Variants in LRRC4B observed in about 807,000 individuals in gnomAD.
LRRC4B encodes the protein leucine-rich repeat-containing protein 4B.
A neutral mutation model predicts 7.3 loss-of-function variants in LRRC4B; 1 was observed. The observed-to-expected ratio is 0.14, with a 90% CI of 0.05 to 0.65. The LOEUF (loss-of-function observed/expected upper bound fraction) is 0.65, where lower values mean the gene tolerates loss of function less well. LRRC4B is among the 30% of genes least tolerant of loss of function. LRRC4B has a pLI of 0.84. For synonymous variants in LRRC4B, 500 were observed against 499.2 expected (o/e 1.00, Z -0.02); for missense variants, 730 against 1,041.6 (o/e 0.70, Z 4.12).
intron 2 of LRRC4B, among the ~76,000 whole-genome samples, chr19:50,524,950 G>A (rs900642980): frequency 6.6e-6 from 1 of 152,156 alleles, no homozygotes; most frequent in African/African-American, 2.4e-5. Context: ...GACTGTGATC[G>A]CCCCGTTTTA....
chr19:50,538,715 C>T (rs1335792332), intron 2 of LRRC4B, among the ~76,000 whole-genome samples: 6 of 151,766 alleles, frequency 4.0e-5, no homozygotes, highest in African/African-American at 9.7e-5. Flanking sequence ...ACTACAGGTG[C>T]GTGCCACCAC....
chr19:50,540,384 A>G (rs576840006), intron 2 of LRRC4B, among the ~76,000 whole-genome samples: 5 of 152,178 alleles, frequency 3.3e-5, no homozygotes, highest in Non-Finnish European at 4.4e-5. Context: ...TTTTTTTGAG[A>G]CAGAGTCTTG....
intron 2 of LRRC4B, among the ~76,000 whole-genome samples, chr19:50,538,251 C>T (rs1028015525): frequency 2.0e-5 from 3 of 152,134 alleles, no homozygotes; most frequent in East Asian, 1.9e-4. Flanking sequence ...TTGGTAGAGA[C>T]GGGGTTTCGC....
At chr19:50,558,200 T>TACACACAC (rs71182737) in intron 1 of LRRC4B, among the ~76,000 whole-genome samples, 4,569 of 147,630 alleles carry the variant, frequency 0.031, 141 homozygotes, top group African/African-American at 0.077. Context: ...ACTGTATACA[T>TACACACAC]ACACACACAC....
At chr19:50,543,236 G>T (rs532747352) in intron 2 of LRRC4B, among the ~76,000 whole-genome samples, 3 of 152,134 alleles carry the variant, frequency 2.0e-5, no homozygotes, top group African/African-American at 4.8e-5. Context: ...GTGGCAGCGC[G>T]GCGGGGGACA....
rs1568730895 is a variant in LRRC4B, at chr19:50,548,209, T to C, written c.297+333A>G. ...GGTGCAGATGCCACAGGGGTCCCTG[T>C]GAAAGGGTTGCTCTCCACACCCCAG... is the stretch of plus-strand genomic sequence containing the variant. On this transcript the variant is annotated intron_variant, in intron 2 of 2. Transcript: ENST00000652263. This position sits in a 1 kb window ranked among gnomAD's most constrained non-coding sequence, Gnocchi z 6.8. Among the ~76,000 whole-genome samples, 1 of 151,994 alleles carries C rather than the reference T, an allele frequency of 6.6e-6. No homozygotes were observed. The highest frequency in any genetic ancestry group is 2.4e-5 in the African/African-American group (1 of 41,390).
chr19:50,536,266 T>C (rs1981281663), intron 2 of LRRC4B, among the ~76,000 whole-genome samples: 1 of 152,116 alleles, frequency 6.6e-6, no homozygotes, highest in Non-Finnish European at 1.5e-5. Context: ...CCCGAGTATC[T>C]GGGATTACAG....
rs879770597 is a variant in LRRC4B, at chr19:50,552,654, A to ATCTC, written c.-35-3782_-35-3781insGAGA. 2.0e-5 allele frequency among the ~76,000 whole-genome samples: 2 copies of ATCTC among 100,920 alleles called. 1 individual carries two copies. Among genetic ancestry groups the ATCTC allele is most frequent in the African/African-American group, 8.5e-5 (2 of 23,598 alleles). The allele number at this position is 100,920 out of a possible 152,430, so 66.2% of individuals were successfully genotyped here. A position where few individuals can be genotyped will look rare whatever the true frequency, so the allele number is the denominator to read the frequency against. On this transcript the variant is annotated intron_variant, in intron 1 of 2. Transcript: ENST00000652263. ...CATCCATCCGCCCATCCGTCCATCCATCCATCCATCCATCCATCCATCCAT... is the reference window on the plus strand; with the variant it reads ...CATCCATCCGCCCATCCGTCCATCCATCTCTCCATCCATCCATCCATCCATCCAT...
intron 1 of LRRC4B, among the ~76,000 whole-genome samples, chr19:50,549,570 G>A (rs939577104): frequency 2.0e-5 from 3 of 152,242 alleles, no homozygotes; most frequent in Non-Finnish European, 2.9e-5. Context: ...AGAGACTTGA[G>A]TCAGACTCAT....
chr19:50,544,443 C>G (rs1203074500), intron 2 of LRRC4B, among the ~76,000 whole-genome samples: 2 of 151,012 alleles, frequency 1.3e-5, no homozygotes, highest in African/African-American at 2.4e-5. Flanking sequence ...GGAGGCGGAG[C>G]TTGCAGTGAG....
chr19:50,566,246 G>A (rs766550394), intron 1 of LRRC4B, among the ~76,000 whole-genome samples: 1 of 152,040 alleles, frequency 6.6e-6, no homozygotes, highest in South Asian at 2.1e-4. Context: ...AGCCGGCTCC[G>A]GCTACTCCCA....
chr19:50,535,834 T>G (rs1417953306), intron 2 of LRRC4B, among the ~76,000 whole-genome samples: 2 of 152,206 alleles, frequency 1.3e-5, no homozygotes, highest in Non-Finnish European at 2.9e-5. Flanking sequence ...GGGTGGAAAG[T>G]CTGGCTGGAT....
In LRRC4B at chr19:50,555,492, A is replaced by AG. The variant is rs1223599863; in HGVS notation, c.-35-6620dup. 2.6e-5 allele frequency: 4 copies of AG among 153,082 alleles called. No homozygotes were observed. Among genetic ancestry groups the AG allele is most frequent in the Admixed American group, 6.5e-5 (1 of 15,322 alleles). The allele number at this position is 153,082 out of a possible 1,614,324, so 9.5% of individuals were successfully genotyped here. A position where few individuals can be genotyped will look rare whatever the true frequency, so the allele number is the denominator to read the frequency against. The stretch of plus-strand genomic sequence containing the variant: ...GGCAGAGTCACAGGGAGACAGACAC[A>AG]GGCATACAAAGGGGCATGAAAGGGG... On this transcript the variant is annotated intron_variant, in intron 1 of 2. Coordinates refer to ENST00000652263, the MANE Select transcript of LRRC4B (RefSeq NM_001080457.2). This position sits in a 1 kb window ranked among gnomAD's most constrained non-coding sequence, Gnocchi z 5.2.
At position 50,553,912 on chromosome 19, in the gene LRRC4B, A is replaced by C. The variant is rs1007788015; in HGVS notation, c.-35-5039T>G. ...CCAGGCCGCACTGCAATAGCTGCAC[A>C]ATGCAGGCTCCCAGCCCTGGACACC... On this transcript the variant is annotated intron_variant, in intron 1 of 2. Coordinates refer to ENST00000652263, the MANE Select transcript of LRRC4B (RefSeq NM_001080457.2). The surrounding 1 kb of genome is among the most constrained non-coding windows in gnomAD (Gnocchi z 4.2). Among the ~76,000 whole-genome samples, 1 of 151,508 alleles carries C rather than the reference A, an allele frequency of 6.6e-6. No homozygotes were observed. The highest frequency in any genetic ancestry group is 2.4e-5 in the African/African-American group (1 of 41,188).
chr19:50,564,301 A>G (rs1982558118), intron 1 of LRRC4B, among the ~76,000 whole-genome samples: 1 of 152,088 alleles, frequency 6.6e-6, no homozygotes, highest in East Asian at 1.9e-4. Context: ...GCACTGGGGG[A>G]AAATAACCCT....
At chr19:50,562,751 T>C (rs1364767343) in intron 1 of LRRC4B, among the ~76,000 whole-genome samples, 1 of 150,954 alleles carries the variant, frequency 6.6e-6, no homozygotes, top group Admixed American at 6.6e-5. Context: ...TGTTTTTTTT[T>C]TTTTGGCGAT....
chr19:50,560,148 C>T (rs988840858), intron 1 of LRRC4B, among the ~76,000 whole-genome samples: 1 of 152,060 alleles, frequency 6.6e-6, no homozygotes, highest in African/African-American at 2.4e-5. Flanking sequence ...ATAACAATAA[C>T]AATAACAAAA....
At chr19:50,551,393 T>C (rs1002209266) in intron 1 of LRRC4B, among the ~76,000 whole-genome samples, 1 of 150,638 alleles carries the variant, frequency 6.6e-6, no homozygotes, top group Non-Finnish European at 1.5e-5. Flanking sequence ...GGGGCTGTCC[T>C]TTGGCCACTG....
In LRRC4B at chr19:50,548,478, C is replaced by G. The variant is rs1981906764; in HGVS notation, c.297+64G>C. ...TGTGGGGAGGCCCAGAAGGGATGGG[C>G]TACATCTGCATGCCTCCCCAGTGTC... On this transcript the variant is annotated intron_variant, in intron 2 of 2. Transcript: ENST00000652263. The surrounding 1 kb of genome is among the most constrained non-coding windows in gnomAD (Gnocchi z 6.8). 3.3e-6 allele frequency: 5 copies of G among 1,537,908 alleles called. No homozygotes were observed. In the African/African-American group the frequency reaches 6.8e-5, roughly 21 times the overall value.
Sources: gnomAD v4.1 joint callset for allele counts (sites outside exome capture counted in the v4.1 genomes callset) on GRCh38, gnomAD v4.1.1 for gene constraint, Gnocchi (gnomAD v3.1) non-coding constraint, MANE v1.5 for transcripts, NCBI Gene and HGNC (gene_info 2026-07-23, HGNC 2026-07-21) for gene names.